The following TXNRD2 variants were observed in gnomAD, a reference collection of about 807,000 sequenced individuals.
TXNRD2 encodes thioredoxin reductase 2, mitochondrial.
TXNRD2 carries 67 observed loss-of-function variants against 70.8 expected under a neutral mutation model. The ratio of observed to expected loss-of-function variants is 0.95; its 90% CI spans 0.78 to 1.16. The LOEUF (loss-of-function observed/expected upper bound fraction) is 1.16, where lower values mean the gene tolerates loss of function less well. Ranked by LOEUF, TXNRD2 falls within the 50% of genes most tolerant of loss-of-function variation. TXNRD2 has a pLI of 0.00. For missense variants in TXNRD2, 644 were observed against 719.9 expected (o/e 0.89, Z 1.21); for synonymous variants, 301 against 295.8 (o/e 1.02, Z -0.18).
At chr22:19,909,848 T>TCACACACAC (rs1569093752) in intron 8 of TXNRD2, among the ~76,000 whole-genome samples, 2 of 13,126 alleles carry the variant, frequency 1.5e-4, no homozygotes, top group African/African-American at 4.3e-4. Flanking sequence ...CCCACACCCT[T>TCACACACAC]CACACACACA....
intron 1 of TXNRD2, among the ~76,000 whole-genome samples, chr22:19,938,446 C>A (rs1320685371): frequency 8.9e-6 from 1 of 111,936 alleles, no homozygotes; most frequent in African/African-American, 2.8e-5. Context: ...CTACCTGCAC[C>A]ATACACATTC....
intron 2 of TXNRD2, among the ~76,000 whole-genome samples, chr22:19,926,446 C>T (rs939075936): frequency 6.6e-6 from 1 of 150,810 alleles, no homozygotes; most frequent in Admixed American, 6.6e-5. Context: ...GCCAAGATCA[C>T]ACCACTGCAC....
In TXNRD2 at chr22:19,880,635, A is replaced by G. The variant is rs758236709; in HGVS notation, c.1169T>C (p.Met390Thr). The G allele has an allele frequency of 6.2e-7, 1 of 1,613,360 alleles. No homozygotes were observed. The highest frequency in any genetic ancestry group is 2.2e-5 in the East Asian group (1 of 44,878). ...TAGAGAACTCACATTGTCGTAGTCC[A>G]TCAGATCTGAGGACCCGCCGAAGAG... Reference protein sequence around the residue: ...QRLFGGSSDLMDYDNVPTTVF... With the variant: ...QRLFGGSSDLTDYDNVPTTVF... The change falls in exon 13 of 18, where the codon ATG becomes ACG. Residue 390 changes from methionine to threonine, a missense_variant. Transcript: ENST00000400521.
At chr22:19,896,020 G>A (rs969839622) in intron 10 of TXNRD2, among the ~76,000 whole-genome samples, 1 of 149,474 alleles carries the variant, frequency 6.7e-6, no homozygotes, top group Non-Finnish European at 1.5e-5. Context: ...AAGCAAGGCC[G>A]GGTGCGATGG....
chr22:19,880,405 G>A, intron 13 of TXNRD2, 134 bp from the exon 14 acceptor site: 2 of 989,658 alleles, frequency 2.0e-6, no homozygotes, highest in Admixed American at 2.0e-5. Context: ...CACAGTAGGC[G>A]ACCCACCTGC....
At chr22:19,935,301 C>T (rs1941502291) in intron 1 of TXNRD2, among the ~76,000 whole-genome samples, 1 of 152,158 alleles carries the variant, frequency 6.6e-6, no homozygotes, top group Admixed American at 6.5e-5. Flanking sequence ...GAAATACGCC[C>T]TGGTCTCCTG....
chr22:19,894,594 ACTC>A (rs1939409467), intron 11 of TXNRD2: 1 of 169,464 alleles, frequency 5.9e-6, no homozygotes, highest in African/African-American at 2.4e-5. Flanking sequence ...ACACCACCAC[ACTC>A]CTCCTAGGCA....
intron 1 of TXNRD2, among the ~76,000 whole-genome samples, chr22:19,939,971 C>A (rs1941645915): frequency 6.6e-6 from 1 of 152,106 alleles, no homozygotes; most frequent in Non-Finnish European, 1.5e-5. Flanking sequence ...CGGCTGGGCG[C>A]AGTGGCTCAT....
chr22:19,904,131 C>A (rs925499765), intron 8 of TXNRD2, among the ~76,000 whole-genome samples: 5 of 152,164 alleles, frequency 3.3e-5, no homozygotes, highest in African/African-American at 4.8e-5. Flanking sequence ...TGCGCCAGGG[C>A]GTGGCTATGG....
At chr22:19,915,346 A>G in intron 6 of TXNRD2, 70 bp from the exon 7 acceptor site, 3 of 1,527,256 alleles carry the variant, frequency 2.0e-6, no homozygotes, top group Non-Finnish European at 2.7e-6. Context: ...GGGCCTGAGC[A>G]CCACAGACCT....
intron 2 of TXNRD2, among the ~76,000 whole-genome samples, chr22:19,926,163 C>CA (rs149482078): frequency 0.012 from 1,070 of 86,506 alleles, 14 homozygotes; most frequent in African/African-American, 0.042. Flanking sequence ...AACTCCGTCT[C>CA]AAAAAAAAAA....
In TXNRD2 at chr22:19,892,057, G is replaced by A. The variant is rs568851048; in HGVS notation, c.949+3350C>T. 2.2e-4 allele frequency among the ~76,000 whole-genome samples: 34 copies of A among 152,298 alleles called. No homozygotes were observed. The Middle Eastern group carries it at 0.014, about 61-fold the overall frequency. Reference sequence around the variant, plus strand: ...GGCCCCTTCTGTGTGTGTGTGCACCGGGCACGGAGGCATCCCCCCTTCCTG... The same window carrying A: ...GGCCCCTTCTGTGTGTGTGTGCACCAGGCACGGAGGCATCCCCCCTTCCTG... On this transcript the variant is annotated intron_variant, in intron 11 of 17. Transcript: ENST00000400521.
chr22:19,928,350 C>T (rs1019771926), intron 2 of TXNRD2, among the ~76,000 whole-genome samples: 23 of 152,048 alleles, frequency 1.5e-4, no homozygotes, highest in Admixed American at 8.5e-4. Flanking sequence ...AACACGTACA[C>T]GAAACGGCAC....
chr22:19,908,622 C>T (rs944029198), intron 8 of TXNRD2, among the ~76,000 whole-genome samples: 1 of 152,192 alleles, frequency 6.6e-6, no homozygotes, highest in East Asian at 1.9e-4. Context: ...AGCAATCCCA[C>T]TTCTGGGTTT....
At chr22:19,927,600 G>A (rs559814528) in intron 2 of TXNRD2, among the ~76,000 whole-genome samples, 189 of 141,286 alleles carry the variant, frequency 1.3e-3, no homozygotes, top group Non-Finnish European at 2.0e-3. Flanking sequence ...GTTGCAGTGA[G>A]CCGAGATTGC....
At chr22:19,920,735 C>T (rs1940871029) in intron 2 of TXNRD2, among the ~76,000 whole-genome samples, 1 of 152,208 alleles carries the variant, frequency 6.6e-6, no homozygotes, top group Non-Finnish European at 1.5e-5. Context: ...CCTAAAATGC[C>T]AAGGAAAGTG....
chr22:19,929,252 G>T (rs368949187), intron 2 of TXNRD2, among the ~76,000 whole-genome samples: 1 of 150,256 alleles, frequency 6.7e-6, no homozygotes, highest in Admixed American at 6.6e-5. Context: ...GCGTGAACCC[G>T]GGAGGCAGAG....
intron 10 of TXNRD2, among the ~76,000 whole-genome samples, chr22:19,897,345 C>T (rs1939554985): frequency 6.6e-6 from 1 of 152,234 alleles, no homozygotes; most frequent in Non-Finnish European, 1.5e-5. Context: ...GCTCACCCTG[C>T]AAGGGGCCTC....
Position 19,915,256 on chromosome 22 carries a change from G to A in TXNRD2, c.549C>T (p.His183=). 6.2e-7 allele frequency: 1 copy of A among 1,613,918 alleles called. No homozygotes were observed. The highest frequency in any genetic ancestry group is 1.3e-5 in the African/African-American group (1 of 75,042). The change falls in exon 7 of 18, where the codon CAC becomes CAT. Residue 183 remains histidine (H), a synonymous_variant. Coordinates refer to ENST00000400521, the MANE Select transcript of TXNRD2 (RefSeq NM_006440.5). The part of the protein sequence containing the change: ...GGKEILLSAD[H]IIIATGGRPR... ...GCCGCCCTCCAGTAGCAATGATGAT[G>A]TGATCGGCTGACAGCAGAATCTGAG...
Sources: gnomAD v4.1 joint callset for allele counts (sites outside exome capture counted in the v4.1 genomes callset) on GRCh38, gnomAD v4.1.1 for gene constraint, MANE v1.5 for transcripts, NCBI Gene and HGNC (gene_info 2026-07-23, HGNC 2026-07-21) for gene names.